DPP10: variants seen among roughly 807,000 people sequenced by gnomAD.
DPP10 encodes dipeptidyl peptidase like 10.
A neutral mutation model predicts 120.9 loss-of-function variants in DPP10; 33 were observed. The ratio of observed to expected loss-of-function variants is 0.27; its 90% confidence interval spans 0.21 to 0.37. The LOEUF (loss-of-function observed/expected upper bound fraction) is 0.37, where lower values mean the gene tolerates loss of function less well. Ranked by LOEUF, DPP10 falls within the 10% of genes least tolerant of loss-of-function variation. The pLI is 1.00. For synonymous variants in DPP10, 337 were observed against 326.1 expected (o/e 1.03, Z -0.36); for missense variants, 816 against 942.8 (o/e 0.87, Z 1.76).
At chr2:114,663,687 AG>A (rs1697665125) in intron 1 of DPP10, among the ~76,000 whole-genome samples, 1 of 147,900 alleles carries the variant, frequency 6.8e-6, no homozygotes, top group Non-Finnish European at 1.5e-5. Flanking sequence ...AGAGAGAGAG[AG>A]AGAGAGAGAA....
At chr2:115,159,973 A>G (rs148816248) in intron 1 of DPP10, among the ~76,000 whole-genome samples, 1 of 152,316 alleles carries the variant, frequency 6.6e-6, no homozygotes, top group Admixed American at 6.5e-5. Context: ...TGGAAACACA[A>G]TGAAAGGATG....
chr2:115,371,387 G>A (rs2106400455), intron 3 of DPP10, among the ~76,000 whole-genome samples: 1 of 152,214 alleles, frequency 6.6e-6, no homozygotes, highest in South Asian at 2.1e-4. Flanking sequence ...CCTTTTTTAA[G>A]AAACAACAAA....
chr2:115,106,632 C>A (rs577920672), intron 1 of DPP10, among the ~76,000 whole-genome samples: 61 of 140,998 alleles, frequency 4.3e-4, no homozygotes, highest in Non-Finnish European at 3.3e-4. Context: ...GCTAATTTTA[C>A]ATTTTTTTTT....
intron 1 of DPP10, among the ~76,000 whole-genome samples, chr2:114,600,376 T>C (rs1692265439): frequency 6.6e-6 from 1 of 151,864 alleles, no homozygotes; most frequent in African/African-American, 2.4e-5. Context: ...TCCATTTGGT[T>C]CATTTTTATG....
At chr2:114,920,736 A>T (rs1695140774) in intron 1 of DPP10, among the ~76,000 whole-genome samples, 1 of 152,178 alleles carries the variant, frequency 6.6e-6, no homozygotes, top group Admixed American at 6.6e-5. Context: ...CCATATTTGC[A>T]ATCTGACCTC....
intron 3 of DPP10, among the ~76,000 whole-genome samples, chr2:115,375,067 G>C (rs1264284346): frequency 6.6e-6 from 1 of 152,152 alleles, no homozygotes; most frequent in Non-Finnish European, 1.5e-5. Context: ...AAGAAAATGG[G>C]TTTTTCTTTT....
chr2:114,804,088 G>T lies in DPP10; in HGVS notation c.60+361250G>T, dbSNP rs377132397. ...CACCTGCTCCAGCCATTGCTGAAAGGGGCCAATGTACAGCTTGGGCTGTAG... is the reference window on the plus strand; with the variant it reads ...CACCTGCTCCAGCCATTGCTGAAAGTGGCCAATGTACAGCTTGGGCTGTAG... On this transcript the variant is annotated intron_variant, in intron 1 of 25. Coordinates refer to ENST00000410059, the MANE Select transcript of DPP10 (RefSeq NM_020868.6). Among the ~76,000 whole-genome samples, 31 of 152,334 alleles carry T rather than the reference G, an allele frequency of 2.0e-4. No individual in the cohort carries two copies. The East Asian group carries it at 2.1e-3, about 10-fold the overall frequency.
intron 3 of DPP10, among the ~76,000 whole-genome samples, chr2:115,415,288 T>C (rs2069288999): frequency 6.6e-6 from 1 of 152,166 alleles, no homozygotes; most frequent in African/African-American, 2.4e-5. Flanking sequence ...GGTGCCTGCC[T>C]ATATGATCAG....
At chr2:115,393,122 G>T (rs1366982392) in intron 3 of DPP10, among the ~76,000 whole-genome samples, 2 of 152,080 alleles carry the variant, frequency 1.3e-5, no homozygotes, top group South Asian at 2.1e-4. Context: ...AGACCAGCCT[G>T]GCCAACATGG....
chr2:114,457,626 C>G (rs757461716), intron 1 of DPP10, among the ~76,000 whole-genome samples: 1 of 152,112 alleles, frequency 6.6e-6, no homozygotes, highest in Non-Finnish European at 1.5e-5. Flanking sequence ...GGAATCTGGG[C>G]GGAGAGTTAG....
intron 5 of DPP10, among the ~76,000 whole-genome samples, chr2:115,667,945 A>T (rs1018517879): frequency 1.3e-5 from 2 of 152,024 alleles, no homozygotes; most frequent in Non-Finnish European, 2.9e-5. Flanking sequence ...TAAATTTCAC[A>T]GGTGGGAATT....
Position 115,845,437 on chromosome 2 carries a change from C to T in DPP10, c.*3092C>T, listed in dbSNP as rs997029214. On this transcript the variant is annotated 3_prime_UTR_variant, in exon 26 of 26. Coordinates refer to ENST00000410059, the MANE Select transcript of DPP10 (RefSeq NM_020868.6). Reference sequence around the variant, plus strand: ...AACCGATGTGAAGGTGTTACTAACCCGCTAAAACACAATTAATGAAAGACT... The same window carrying T: ...AACCGATGTGAAGGTGTTACTAACCTGCTAAAACACAATTAATGAAAGACT... 6.6e-6 allele frequency: 1 copy of T among 152,154 alleles called. No individual in the cohort carries two copies. Among genetic ancestry groups the T allele is most frequent in the Non-Finnish European group, 1.5e-5 (1 of 68,036 alleles). The allele number at this position is 152,154 out of a possible 1,614,324, so 9.4% of individuals were successfully genotyped here. A position where few individuals can be genotyped will look rare whatever the true frequency, so the allele number is the denominator to read the frequency against.
intron 1 of DPP10, among the ~76,000 whole-genome samples, chr2:115,093,903 T>C (rs750506914): frequency 4.6e-5 from 7 of 152,138 alleles, no homozygotes; most frequent in African/African-American, 9.6e-5. Context: ...CTTTTTAATT[T>C]TCTAACATTA....
intron 8 of DPP10, among the ~76,000 whole-genome samples, chr2:115,736,739 G>A (rs1409242266): frequency 6.6e-6 from 1 of 152,160 alleles, no homozygotes; most frequent in African/African-American, 2.4e-5. Flanking sequence ...GTGATCCTAT[G>A]TCAAAGGCTC....
chr2:114,690,302 G>A lies in DPP10; in HGVS notation c.60+247464G>A, dbSNP rs115850386. 6.8e-3 allele frequency among the ~76,000 whole-genome samples: 1,035 copies of A among 152,000 alleles called. 8 individuals are homozygous for A. The highest frequency in any genetic ancestry group is 0.023 in the African/African-American group (955 of 41,472). Reference sequence around the variant, plus strand: ...GTTTAGTTTCAGTTTTCTGCATATCGCTAGCCAGCACTCCCAGCACCATTG... The same window carrying A: ...GTTTAGTTTCAGTTTTCTGCATATCACTAGCCAGCACTCCCAGCACCATTG... On this transcript the variant is annotated intron_variant, in intron 1 of 25. Coordinates refer to ENST00000410059, the MANE Select transcript of DPP10 (RefSeq NM_020868.6).
intron 1 of DPP10, among the ~76,000 whole-genome samples, chr2:114,749,561 T>TTATTTTATTTTATTTTATTA (rs1678991034): frequency 7.0e-6 from 1 of 142,898 alleles, no homozygotes; most frequent in African/African-American, 2.7e-5. Flanking sequence ...TTATTTTATT[T>TTATTTTATTTTATTTTATTA]TATTTTATTT....
chr2:115,675,419 AC>A (rs1559014433), intron 5 of DPP10, among the ~76,000 whole-genome samples: 1 of 142,014 alleles, frequency 7.0e-6, no homozygotes, highest in Non-Finnish European at 1.5e-5. Flanking sequence ...CACCTCCTCC[AC>A]AAAGAAGAAC....
chr2:114,869,184 C>T (rs998648655), intron 1 of DPP10, among the ~76,000 whole-genome samples: 3 of 151,828 alleles, frequency 2.0e-5, no homozygotes, highest in African/African-American at 7.3e-5. Context: ...TTACGAACTA[C>T]GAAATATTGT....
intron 1 of DPP10, among the ~76,000 whole-genome samples, chr2:115,012,785 A>T (rs549144026): frequency 3.0e-4 from 46 of 152,336 alleles, no homozygotes; most frequent in African/African-American, 1.0e-3. Flanking sequence ...CCAAAAGATC[A>T]TGCCAGCTCA....
Sources: allele counts gnomAD v4.1 joint callset (sites outside exome capture counted in the v4.1 genomes callset), GRCh38; gene constraint gnomAD v4.1.1; transcripts MANE v1.5; gene names NCBI Gene and HGNC (gene_info 2026-07-23, HGNC 2026-07-21).